The following CAST variants were observed in gnomAD, a reference collection of about 807,000 sequenced individuals.
The protein encoded by CAST is MIR583 host.
In CAST, 76 loss-of-function variants were observed where a neutral mutation model predicts 119.6. The observed-to-expected ratio is 0.64, with a 90% CI of 0.53 to 0.77. CAST has a LOEUF of 0.77. Among genes scored for constraint, CAST ranks in the 30% least tolerant of loss-of-function variants. The pLI is 0.00. For synonymous variants in CAST, 319 were observed against 331.6 expected (o/e 0.96, Z 0.41); for missense variants, 953 against 946.5 (o/e 1.01, Z -0.09).
intron 1 of CAST, among the ~76,000 whole-genome samples, chr5:96,598,230 T>G (rs1194515180): frequency 2.0e-5 from 3 of 152,242 alleles, no homozygotes; most frequent in African/African-American, 7.2e-5. Context: ...AAACATGTTC[T>G]GTCTTTGCCA....
the CAST span, chr5:96,408,310 A>AG: frequency 1.2e-6 from 2 of 1,613,784 alleles, no homozygotes; most frequent in Non-Finnish European, 1.7e-6. Context: ...GTCATTGTGC[A>AG]GGTCAGCGCT....
chr5:96,520,993 T>C (rs913543719), upstream of CAST, among the ~76,000 whole-genome samples: 6 of 152,188 alleles, frequency 3.9e-5, no homozygotes, highest in African/African-American at 9.7e-5. Flanking sequence ...CATGAGTCCT[T>C]CAAGACTCAG....
the CAST span, among the ~76,000 whole-genome samples, chr5:96,222,875 T>A: frequency 1.7e-3 from 263 of 152,246 alleles, 6 homozygotes; most frequent in East Asian, 0.044. Context: ...TGTCCATCAG[T>A]GGACTAATAA....
At chr5:95,961,626 C>T in the CAST span, 5 of 1,608,820 alleles carry the variant, frequency 3.1e-6, no homozygotes, top group African/African-American at 5.4e-5. Flanking sequence ...CGGTGAGCTT[C>T]ACATGCAGTA....
At chr5:96,023,482 T>A in the CAST span, among the ~76,000 whole-genome samples, 1 of 152,320 alleles carries the variant, frequency 6.6e-6, no homozygotes, top group Admixed American at 6.5e-5. Context: ...ATTGATACTA[T>A]CATACTAGCA....
chr5:96,363,427 G>C, the CAST span, among the ~76,000 whole-genome samples: 1 of 151,780 alleles, frequency 6.6e-6, no homozygotes, highest in Non-Finnish European at 1.5e-5. Context: ...ACCTTGGGCA[G>C]TATGGCCATT....
chr5:96,496,615 G>GTC, the CAST span, among the ~76,000 whole-genome samples: 1 of 152,294 alleles, frequency 6.6e-6, no homozygotes, highest in East Asian at 1.9e-4. Flanking sequence ...GACAAATGCT[G>GTC]TCCAAGGAAA....
intron 1 of CAST, among the ~76,000 whole-genome samples, chr5:96,672,497 A>G (rs1363895992): frequency 1.3e-5 from 2 of 152,108 alleles, no homozygotes; most frequent in Non-Finnish European, 2.9e-5. Context: ...AACTGATGTC[A>G]GGAGTTCAAG....
chr5:96,675,809 A>G, intron 2 of CAST: 1 of 463,796 alleles, frequency 2.2e-6, no homozygotes, highest in East Asian at 3.4e-5. Context: ...GCCTGTATGA[A>G]TACTTTCCCT....
chr5:96,058,351 A>C, the CAST span, among the ~76,000 whole-genome samples: 1 of 152,138 alleles, frequency 6.6e-6, no homozygotes, highest in Non-Finnish European at 1.5e-5. Context: ...AGAGATTCCC[A>C]GTGTTACAGC....
At chr5:95,999,136 T>C in the CAST span, among the ~76,000 whole-genome samples, 1 of 152,160 alleles carries the variant, frequency 6.6e-6, no homozygotes, top group African/African-American at 2.4e-5. Context: ...TTTATAGTTA[T>C]TCTCATTCCT....
At chr5:96,111,030 G>A in the CAST span, 3 of 152,122 alleles carry the variant, frequency 2.0e-5, no homozygotes, top group East Asian at 1.9e-4. Context: ...TACAGGTTAA[G>A]GGTTCAGTCC....
At chr5:95,986,182 T>G in the CAST span, 1 of 152,218 alleles carries the variant, frequency 6.6e-6, no homozygotes, top group African/African-American at 2.4e-5. Flanking sequence ...TACTTGAGAT[T>G]TTTTTGCTTA....
the CAST span, among the ~76,000 whole-genome samples, chr5:96,092,641 A>G: frequency 1.3e-5 from 2 of 152,236 alleles, no homozygotes; most frequent in African/African-American, 4.8e-5. Context: ...GAAGATTACT[A>G]TAACATACTA....
At chr5:96,556,621 C>A (rs561957716) in intron 1 of CAST, among the ~76,000 whole-genome samples, 76 of 151,998 alleles carry the variant, frequency 5.0e-4, no homozygotes, top group South Asian at 2.9e-3. Context: ...GATGGAAGAC[C>A]AAATGAATGA....
At chr5:96,285,347 T>TA in the CAST span, among the ~76,000 whole-genome samples, 2 of 152,210 alleles carry the variant, frequency 1.3e-5, no homozygotes, top group African/African-American at 4.8e-5. Context: ...ATAGTATTAC[T>TA]AAAAAAGCTT....
the CAST span, among the ~76,000 whole-genome samples, chr5:96,255,834 C>T: frequency 6.6e-6 from 1 of 152,082 alleles, no homozygotes; most frequent in Non-Finnish European, 1.5e-5. Flanking sequence ...TTTAGTTAGA[C>T]TTGAGTTGTG....
chr5:96,708,394 T>A (rs1212450223), intron 3 of CAST, among the ~76,000 whole-genome samples: 1 of 152,238 alleles, frequency 6.6e-6, no homozygotes, highest in African/African-American at 2.4e-5. Flanking sequence ...GTGTAGTTTA[T>A]ATTTTCACCT....
chr5:96,041,318 A>G, the CAST span, among the ~76,000 whole-genome samples: 1 of 152,132 alleles, frequency 6.6e-6, no homozygotes, highest in African/African-American at 2.4e-5. Flanking sequence ...ACCCTAGTCT[A>G]ATCATGAGAA....
Sources: allele counts gnomAD v4.1 joint callset (sites outside exome capture counted in the v4.1 genomes callset), GRCh38; gene constraint gnomAD v4.1.1; transcripts MANE v1.5; gene names NCBI Gene and HGNC (gene_info 2026-07-23, HGNC 2026-07-21).